ST7: variants seen among roughly 807,000 people sequenced by gnomAD.
ST7 encodes the protein suppression of tumorigenicity 7, also known as suppressor of tumorigenicity 7 protein.
ST7 carries 28 observed loss-of-function variants against 78.7 expected under a neutral mutation model. The ratio of observed to expected loss-of-function variants is 0.36; its 90% CI spans 0.26 to 0.49. The LOEUF is 0.49. Among genes scored for constraint, ST7 ranks in the 20% least tolerant of loss-of-function variants. The pLI is 0.99. For synonymous variants in ST7, 247 were observed against 249.6 expected, an observed-to-expected ratio of 0.99 and a Z score of 0.10; for missense variants, 418 against 696.0, an observed-to-expected ratio of 0.60 and a Z score of 4.49.
chr7:117,038,542 A>T (rs17139266), intron 1 of ST7, among the ~76,000 whole-genome samples: 2,668 of 152,294 alleles, frequency 0.018, 86 homozygotes, highest in African/African-American at 0.061. Flanking sequence ...GGGCAATTTT[A>T]TAATCTTTCA....
At chr7:117,183,787 C>T (rs746442838) in intron 10 of ST7, among the ~76,000 whole-genome samples, 25 of 152,186 alleles carry the variant, frequency 1.6e-4, no homozygotes, top group Non-Finnish European at 2.8e-4. Flanking sequence ...AGTTTTCTTA[C>T]GCTTACACAA....
chr7:117,227,460 T>C (rs1793522246), intron 15 of ST7, among the ~76,000 whole-genome samples: 1 of 152,230 alleles, frequency 6.6e-6, no homozygotes, highest in Admixed American at 6.5e-5. Context: ...ACACTTTAAC[T>C]CCTCTTTATG....
intron 1 of ST7, among the ~76,000 whole-genome samples, chr7:116,983,333 G>A (rs1390097481): frequency 6.6e-6 from 1 of 152,006 alleles, no homozygotes; most frequent in African/African-American, 2.4e-5. Context: ...TCAGAAATGT[G>A]GGTCCCATTA....
At chr7:117,090,033 A>G (rs879565135) in intron 1 of ST7, among the ~76,000 whole-genome samples, 4 of 152,282 alleles carry the variant, frequency 2.6e-5, no homozygotes, top group Middle Eastern at 3.4e-3. Context: ...TCCGTTGTGA[A>G]ATTGTTTTTA....
chr7:117,177,583 C>T (rs1033456540), intron 10 of ST7, among the ~76,000 whole-genome samples: 4 of 152,122 alleles, frequency 2.6e-5, no homozygotes, highest in East Asian at 1.9e-4. Context: ...GGCTTTGTAG[C>T]GTAAGACGAA....
At chr7:117,118,772 G>A (rs1803120614) in intron 2 of ST7, among the ~76,000 whole-genome samples, 1 of 152,188 alleles carries the variant, frequency 6.6e-6, no homozygotes, top group African/African-American at 2.4e-5. Flanking sequence ...CAGGTAAGAA[G>A]GGTTGGGGGA....
At chr7:117,025,911 T>C (rs1468021704) in intron 1 of ST7, among the ~76,000 whole-genome samples, 2 of 152,186 alleles carry the variant, frequency 1.3e-5, no homozygotes, top group African/African-American at 4.8e-5. Flanking sequence ...AGAAATGGAG[T>C]AAAAATATGC....
At chr7:117,228,230 C>A (rs570458577) in intron 15 of ST7, among the ~76,000 whole-genome samples, 1 of 152,338 alleles carries the variant, frequency 6.6e-6, no homozygotes, top group South Asian at 2.1e-4. Context: ...AGAATGGATT[C>A]TCTCCCTTTT....
At chr7:117,070,786 G>T (rs1348172679) in intron 1 of ST7, among the ~76,000 whole-genome samples, 4 of 151,852 alleles carry the variant, frequency 2.6e-5, no homozygotes, top group Non-Finnish European at 2.9e-5. Flanking sequence ...CTTGTGATCC[G>T]CCCGCCTCGG....
chr7:117,169,481 G>C (rs1333623639), intron 9 of ST7, among the ~76,000 whole-genome samples: 2 of 151,844 alleles, frequency 1.3e-5, no homozygotes, highest in East Asian at 1.9e-4. Flanking sequence ...TGAAATTCTT[G>C]GTCTTTCTTC....
At chr7:116,972,272 C>A in intron 1 of ST7, 1 of 557,484 alleles carries the variant, frequency 1.8e-6, no homozygotes, top group South Asian at 1.6e-5. Flanking sequence ...ATTGTATTTT[C>A]CAGCTTGGCT....
At chr7:117,107,976 A>G (rs1385190339) in intron 2 of ST7, among the ~76,000 whole-genome samples, 1 of 152,042 alleles carries the variant, frequency 6.6e-6, no homozygotes, top group Non-Finnish European at 1.5e-5. Context: ...ATCCTTGTAG[A>G]TTCAGGATAT....
At chr7:117,158,130 G>T (rs1186128171) in intron 9 of ST7, among the ~76,000 whole-genome samples, 4 of 152,114 alleles carry the variant, frequency 2.6e-5, no homozygotes, top group African/African-American at 7.2e-5. Flanking sequence ...CTTTGATTTT[G>T]GAAAGTTCTT....
intron 1 of ST7, among the ~76,000 whole-genome samples, chr7:116,994,179 C>A (rs1794548490): frequency 6.6e-6 from 1 of 152,160 alleles, no homozygotes; most frequent in Non-Finnish European, 1.5e-5. Flanking sequence ...TCCTGCTAAC[C>A]CTTGGCAATC....
intron 1 of ST7, 78 bp downstream of exon 1, chr7:116,953,769 G>A (rs1792272403): frequency 6.5e-6 from 7 of 1,081,646 alleles, no homozygotes; most frequent in East Asian, 9.3e-5. Flanking sequence ...GCGGGGCCGC[G>A]GCCAGGCGCG....
At chr7:116,975,774 A>G (rs949576111) in intron 1 of ST7, among the ~76,000 whole-genome samples, 1 of 152,104 alleles carries the variant, frequency 6.6e-6, no homozygotes, top group African/African-American at 2.4e-5. Flanking sequence ...TATAGAATAG[A>G]AAAAGGGTGT....
At chr7:117,145,977 G>T (rs565221194) in intron 9 of ST7, among the ~76,000 whole-genome samples, 136 of 152,258 alleles carry the variant, frequency 8.9e-4, no homozygotes, top group Non-Finnish European at 1.5e-3. Flanking sequence ...GGAGCTCCTT[G>T]TGTCCTTTCT....
At chr7:117,078,205 C>T (rs1432024901) in intron 1 of ST7, among the ~76,000 whole-genome samples, 1 of 152,196 alleles carries the variant, frequency 6.6e-6, no homozygotes, top group Non-Finnish European at 1.5e-5. Flanking sequence ...CTCATAGGTG[C>T]AGCCATGTTC....
intron 1 of ST7, among the ~76,000 whole-genome samples, chr7:116,986,377 A>G (rs1005289469): frequency 6.6e-6 from 1 of 152,216 alleles, no homozygotes; most frequent in African/African-American, 2.4e-5. Context: ...AACTGACTCT[A>G]TTTTAAGGAA....
Sources: allele counts gnomAD v4.1 joint callset (sites outside exome capture counted in the v4.1 genomes callset), GRCh38; gene constraint gnomAD v4.1.1; transcripts MANE v1.5; gene names NCBI Gene and HGNC (gene_info 2026-07-23, HGNC 2026-07-21).